The following DDX31 variants were observed in gnomAD, a reference collection of about 807,000 sequenced individuals.
The protein encoded by DDX31 is DEAD-box helicase 31.
DDX31 carries 70 observed loss-of-function variants against 91.3 expected under a neutral mutation model. That is an observed-to-expected ratio of 0.77 (90% CI 0.63 to 0.94). DDX31 has a LOEUF of 0.94. Among genes scored for constraint, DDX31 ranks in the 40% least tolerant of loss-of-function variants. The pLI is 0.00. For missense variants in DDX31, 902 were observed against 925.0 expected (o/e 0.98, Z 0.32); for synonymous variants, 362 against 350.6 (o/e 1.03, Z -0.36).
At chr9:132,601,480 G>A (rs1830718075) in intron 19 of DDX31, among the ~76,000 whole-genome samples, 2 of 152,340 alleles carry the variant, frequency 1.3e-5, no homozygotes, top group Middle Eastern at 3.4e-3. Context: ...CATGATTGAA[G>A]TGAGGACCAC....
intron 12 of DDX31, 72 bp from the exon 13 acceptor site, chr9:132,646,143 A>C: frequency 6.7e-7 from 1 of 1,491,272 alleles, no homozygotes; most frequent in Middle Eastern, 1.8e-4. Context: ...ATATTTCTCT[A>C]AACTATACAG....
intron 14 of DDX31, 54 bp from the exon 15 acceptor site, chr9:132,632,145 G>C (rs374721647): frequency 6.5e-7 from 1 of 1,545,504 alleles, no homozygotes; most frequent in African/African-American, 1.4e-5. Flanking sequence ...CCTTTCTGGG[G>C]TCCTGGATAT....
intron 14 of DDX31, 143 bp downstream of exon 14, chr9:132,641,861 A>C (rs894145095): frequency 1.5e-6 from 1 of 682,824 alleles, no homozygotes; most frequent in Non-Finnish European, 2.5e-6. Flanking sequence ...AAAGAGGTGC[A>C]AAGAGGCCAG....
chr9:132,646,909 G>C lies in DDX31; in HGVS notation c.1117C>G (p.Pro373Ala). 1 of 1,614,198 alleles carries C rather than the reference G, an allele frequency of 6.2e-7. No individual in the cohort carries two copies. Among genetic ancestry groups the C allele is most frequent in the Non-Finnish European group, 8.5e-7 (1 of 1,180,040 alleles). Reference sequence around the variant, plus strand: ...GTCACATGCTGCTTGAGACTCTCTGGTATTGCAAAGCTGTCCAGCTTGTCG... The same window carrying C: ...GTCACATGCTGCTTGAGACTCTCTGCTATTGCAAAGCTGTCCAGCTTGTCG... The part of the protein sequence containing the change: ...AGDKLDSFAI[P>A]ESLKQHVTVV... The change falls in exon 12 of 20, where the codon CCA becomes GCA. Residue 373 changes from proline (P) to alanine (A), a missense_variant. Pro to Ala is a conservative substitution (Grantham distance 27). Transcript: ENST00000372159.
At chr9:132,618,792 T>C (rs967561497) in intron 17 of DDX31, among the ~76,000 whole-genome samples, 5 of 152,232 alleles carry the variant, frequency 3.3e-5, no homozygotes, top group Non-Finnish European at 5.9e-5. Flanking sequence ...TGTTTTCAAA[T>C]GGGTCTTGGA....
chr9:132,642,977 C>T (rs1833593211), intron 13 of DDX31, among the ~76,000 whole-genome samples: 1 of 151,984 alleles, frequency 6.6e-6, no homozygotes, highest in Admixed American at 6.6e-5. Flanking sequence ...GGCATACACA[C>T]AATGCCTGGC....
At chr9:132,653,322 C>T (rs1475504912) in intron 6 of DDX31, among the ~76,000 whole-genome samples, 6 of 150,706 alleles carry the variant, frequency 4.0e-5, no homozygotes, top group African/African-American at 9.7e-5. Context: ...GGTGAAACCC[C>T]GTCTCTACTA....
At chr9:132,641,433 G>T (rs1206669668) in intron 14 of DDX31, among the ~76,000 whole-genome samples, 1 of 152,218 alleles carries the variant, frequency 6.6e-6, no homozygotes, top group East Asian at 1.9e-4. Context: ...CAGCCTGGGG[G>T]TAGAGAACAC....
At chr9:132,664,390 C>T (rs74754423) in intron 1 of DDX31, among the ~76,000 whole-genome samples, 3,635 of 152,184 alleles carry the variant, frequency 0.024, 156 homozygotes, top group African/African-American at 0.081. Context: ...ATTAGGTTTT[C>T]CATTGCTCTT....
chr9:132,638,002 C>G lies in DDX31; in HGVS notation c.1440+4002G>C, dbSNP rs992453599. 17 of 1,111,396 alleles carry G rather than the reference C, an allele frequency of 1.5e-5. No homozygotes were observed. The African/African-American group carries it at 2.5e-4, about 16-fold the overall frequency. 68.8% of individuals were successfully genotyped at this position (1,111,396 alleles called of 1,614,324 possible). On this transcript the variant is annotated intron_variant, in intron 14 of 19. Coordinates refer to ENST00000372159, the MANE Select transcript of DDX31 (RefSeq NM_022779.9). ...GAAATTAAGAACTGCACAGACAGAA[C>G]AGTATGCTTCAAGCGGAAAAAAATA... is the stretch of plus-strand genomic sequence containing the variant.
At chr9:132,645,401 G>A (rs1005617621) in intron 13 of DDX31, among the ~76,000 whole-genome samples, 2 of 152,190 alleles carry the variant, frequency 1.3e-5, no homozygotes, top group African/African-American at 4.8e-5. Flanking sequence ...AACCGAAAGT[G>A]TTCTGAGTGC....
chr9:132,605,392 C>T (rs1172533058), intron 19 of DDX31, among the ~76,000 whole-genome samples: 1 of 152,176 alleles, frequency 6.6e-6, no homozygotes, highest in Non-Finnish European at 1.5e-5. Context: ...AGGAAATGCT[C>T]ACTGCAGCAC....
chr9:132,629,012 C>T (rs1268482766), intron 16 of DDX31, among the ~76,000 whole-genome samples: 4 of 152,350 alleles, frequency 2.6e-5, no homozygotes, highest in Admixed American at 6.5e-5. Context: ...TTTTACCTTC[C>T]CCAGGGTTCC....
intron 6 of DDX31, chr9:132,658,261 G>A (rs1027596217): frequency 7.1e-6 from 5 of 702,790 alleles, no homozygotes; most frequent in Non-Finnish European, 1.3e-5. Context: ...CAGAACTGAG[G>A]TAGAAATCCA....
At chr9:132,625,253 T>C (rs779561173) in intron 17 of DDX31, among the ~76,000 whole-genome samples, 33 of 152,180 alleles carry the variant, frequency 2.2e-4, no homozygotes, top group Non-Finnish European at 5.9e-5. Context: ...ATGAACTAAC[T>C]GTGTCTGAAA....
rs306550 is a variant in DDX31, at chr9:132,594,412, A to G, written c.*454T>C. ...TCTCTTTTTGTACAAATTCAATTCCAGTTTTTAACACCCTAATTCACAAAA... is the reference window on the plus strand; with the variant it reads ...TCTCTTTTTGTACAAATTCAATTCCGGTTTTTAACACCCTAATTCACAAAA... On this transcript the variant is annotated 3_prime_UTR_variant, in exon 20 of 20. Coordinates refer to ENST00000372159, the MANE Select transcript of DDX31 (RefSeq NM_022779.9). 0.018 allele frequency: 2,752 copies of G among 156,520 alleles called. 90 individuals are homozygous for G. The highest frequency in any genetic ancestry group is 0.063 in the African/African-American group (2,633 of 41,638). 9.7% of individuals were successfully genotyped at this position (156,520 alleles called of 1,614,324 possible).
At chr9:132,669,262 C>G (rs1356758675) in intron 1 of DDX31, among the ~76,000 whole-genome samples, 1 of 139,798 alleles carries the variant, frequency 7.2e-6, no homozygotes, top group Admixed American at 7.1e-5. Context: ...GCCCGCCCCC[C>G]CCAAAGAACA....
chr9:132,656,928 C>T (rs576094757), intron 6 of DDX31, among the ~76,000 whole-genome samples: 34 of 152,230 alleles, frequency 2.2e-4, no homozygotes, highest in African/African-American at 7.9e-4. Context: ...ATTCTCTCAC[C>T]GTAAAGCACT....
intron 1 of DDX31, among the ~76,000 whole-genome samples, chr9:132,667,530 GA>G (rs1336326326): frequency 5.3e-5 from 8 of 152,216 alleles, no homozygotes; most frequent in African/African-American, 1.9e-4. Context: ...GTGAACTCAG[GA>G]GGCAGAGCTT....
Sources: gnomAD v4.1 joint callset for allele counts (sites outside exome capture counted in the v4.1 genomes callset) on GRCh38, gnomAD v4.1.1 for gene constraint, MANE v1.5 for transcripts, NCBI Gene and HGNC (gene_info 2026-07-23, HGNC 2026-07-21) for gene names.